HMCN1: variants seen among roughly 807,000 people sequenced by gnomAD.
The protein encoded by HMCN1 is hemicentin 1.
Under a neutral mutation model 625.9 loss-of-function variants are expected in HMCN1, and 321 were observed. The observed-to-expected ratio is 0.51, with a 90% CI of 0.47 to 0.56. The LOEUF is 0.56. HMCN1 is among the 20% of genes least tolerant of loss of function. The pLI is 0.00. For missense variants in HMCN1, 6,588 were observed against 6,887.3 expected (o/e 0.96, Z 1.54); for synonymous variants, 2,425 against 2,417.6 (o/e 1.00, Z -0.09).
At chr1:186,101,148 C>T (rs1660366399) in intron 68 of HMCN1, among the ~76,000 whole-genome samples, 1 of 151,574 alleles carries the variant, frequency 6.6e-6, no homozygotes, top group African/African-American at 2.4e-5. Flanking sequence ...TTTGGGTAGG[C>T]ACCTACAACT....
chr1:186,125,734 T>TAAC lies in HMCN1; in HGVS notation c.12631_12633dup (p.Asn4211dup). ...GGAAAAAAGACAATGTTCTTTTAGC[T>TAAC]AACTTGTTAGGAAAATACACTGCTG... On this transcript the variant is annotated inframe_insertion, in exon 82 of 107. Transcript: ENST00000271588. 6.2e-7 allele frequency: 1 copy of TAAC among 1,613,448 alleles called. No individual in the cohort carries two copies. The highest frequency in any genetic ancestry group is 1.1e-5 in the South Asian group (1 of 91,070).
Position 186,007,247 on chromosome 1 carries a change from G to A in HMCN1, c.4595G>A (p.Gly1532Asp). The A allele has an allele frequency of 1.2e-6, 2 of 1,613,640 alleles. No homozygotes were observed. Among genetic ancestry groups the A allele is most frequent in the Non-Finnish European group, 1.7e-6 (2 of 1,179,712 alleles). ...CAATGTACTGTGTCTAATGCAGCTG[G>A]CAAACAAGCCAAGGATATAAAACTG... Reference protein sequence around the residue: ...RYQCTVSNAAGKQAKDIKLTI... With the variant: ...RYQCTVSNAADKQAKDIKLTI... Residue 1532 changes from glycine to aspartate, a missense_variant, in exon 30 of 107, where the codon GGC becomes GAC. By Grantham distance (94) the Gly-to-Asp change is moderately conservative (BLOSUM62 -1). This residue lies in a region of HMCN1 where 4,628 missense variants were observed against 4,853.1 expected (regional missense o/e 0.95). Transcript: ENST00000271588.
chr1:186,086,333 T>C lies in HMCN1; in HGVS notation c.8972T>C (p.Phe2991Ser). 6.2e-7 allele frequency: 1 copy of C among 1,613,344 alleles called. No homozygotes were observed. The highest frequency in any genetic ancestry group is 8.5e-7 in the Non-Finnish European group (1 of 1,179,514). Residue 2991 changes from phenylalanine (F) to serine (S), a missense_variant, in exon 58 of 107, where the codon TTT (phenylalanine) becomes TCT (serine). Phe to Ser is a radical substitution (Grantham distance 155). This residue lies in a region of HMCN1 where 4,628 missense variants were observed against 4,853.1 expected (regional missense o/e 0.95). Coordinates refer to ENST00000271588, the MANE Select transcript of HMCN1 (RefSeq NM_031935.3). ...FISLTCEVSG[F>S]PPPDLSWLKN... Reference sequence around the variant, plus strand: ...TCTTTGACCTGTGAGGTCTCTGGTTTTCCACCTCCTGACCTCAGCTGGCTC... The same window carrying C: ...TCTTTGACCTGTGAGGTCTCTGGTTCTCCACCTCCTGACCTCAGCTGGCTC...
intron 102 of HMCN1, among the ~76,000 whole-genome samples, chr1:186,173,240 T>C (rs1652343757): frequency 6.6e-6 from 1 of 152,080 alleles, no homozygotes; most frequent in African/African-American, 2.4e-5. Flanking sequence ...GAGTGGGAGA[T>C]AGATATAGAT....
intron 1 of HMCN1, among the ~76,000 whole-genome samples, chr1:185,768,616 G>A (rs1158008449): frequency 3.9e-5 from 6 of 152,176 alleles, no homozygotes; most frequent in Admixed American, 2.6e-4. Context: ...AAGGAATTTA[G>A]GGCAAGTTAA....
intron 1 of HMCN1, among the ~76,000 whole-genome samples, chr1:185,840,262 C>T (rs1448464572): frequency 1.3e-5 from 2 of 152,122 alleles, no homozygotes; most frequent in Non-Finnish European, 2.9e-5. Context: ...TATCCTAAAG[C>T]AGAAAACATA....
intron 52 of HMCN1, among the ~76,000 whole-genome samples, chr1:186,071,363 T>TA (rs1409217095): frequency 6.6e-6 from 1 of 152,180 alleles, no homozygotes; most frequent in Non-Finnish European, 1.5e-5. Context: ...AAACTTTAAA[T>TA]AAAAGACAGA....
Position 185,761,607 on chromosome 1 carries a change from C to T in HMCN1, c.268+26560C>T, listed in dbSNP as rs116802964. ...GACAAGTAAAGTAAATGAAACATTG[C>T]TAAAATGACAACTGTATTTTATCTA... is the stretch of plus-strand genomic sequence containing the variant. On this transcript the variant is annotated intron_variant, in intron 1 of 106. Transcript: ENST00000271588. Among the ~76,000 whole-genome samples, 480 of 152,184 alleles carry T rather than the reference C, an allele frequency of 3.2e-3. 1 individual carries two copies. The highest frequency in any genetic ancestry group is 0.011 in the African/African-American group (463 of 41,538).
At chr1:186,140,047 T>A (rs1419048698) in intron 89 of HMCN1, among the ~76,000 whole-genome samples, 1 of 152,200 alleles carries the variant, frequency 6.6e-6, no homozygotes, top group Non-Finnish European at 1.5e-5. Flanking sequence ...ACTATCTAGG[T>A]GAAATTTTGT....
At chr1:185,971,072 G>A (rs554857850) in intron 15 of HMCN1, among the ~76,000 whole-genome samples, 33 of 152,316 alleles carry the variant, frequency 2.2e-4, no homozygotes, top group Admixed American at 5.2e-4. Flanking sequence ...AACTTGATCA[G>A]AGTTACAGAG....
intron 69 of HMCN1, among the ~76,000 whole-genome samples, chr1:186,105,718 G>A (rs1660578228): frequency 6.6e-6 from 1 of 152,182 alleles, no homozygotes; most frequent in Non-Finnish European, 1.5e-5. Flanking sequence ...TACAGGTGAT[G>A]TCTGTGGGTA....
chr1:185,999,599 C>T (rs771981695), intron 25 of HMCN1, among the ~76,000 whole-genome samples: 2 of 152,068 alleles, frequency 1.3e-5, no homozygotes, highest in African/African-American at 2.4e-5. Context: ...TATAAAACAT[C>T]GTGTCTCCAT....
chr1:185,847,025 C>G (rs1397947988), intron 2 of HMCN1, among the ~76,000 whole-genome samples: 2 of 152,166 alleles, frequency 1.3e-5, no homozygotes, highest in Non-Finnish European at 2.9e-5. Flanking sequence ...ACTTTTTACA[C>G]TACAACCACT....
chr1:186,173,948 AAT>A (rs1386892980), intron 102 of HMCN1, among the ~76,000 whole-genome samples: 1 of 152,220 alleles, frequency 6.6e-6, no homozygotes, highest in African/African-American at 2.4e-5. Flanking sequence ...TGTTCAAACT[AAT>A]ACTATTACTA....
chr1:185,919,798 T>C (rs926249356), intron 6 of HMCN1, among the ~76,000 whole-genome samples: 2 of 152,218 alleles, frequency 1.3e-5, no homozygotes, highest in Non-Finnish European at 2.9e-5. Flanking sequence ...ACCTCTCTTA[T>C]TCATGAAGTG....
intron 6 of HMCN1, among the ~76,000 whole-genome samples, chr1:185,917,511 A>G (rs1666776900): frequency 6.6e-6 from 1 of 152,228 alleles, no homozygotes; most frequent in Non-Finnish European, 1.5e-5. Flanking sequence ...ACGTGTGAAC[A>G]TACTTAGCAT....
intron 1 of HMCN1, among the ~76,000 whole-genome samples, chr1:185,758,140 C>A (rs1397923815): frequency 6.6e-6 from 1 of 152,192 alleles, no homozygotes; most frequent in Non-Finnish European, 1.5e-5. Context: ...CGGATATATA[C>A]ATTTTTCAGG....
intron 68 of HMCN1, among the ~76,000 whole-genome samples, chr1:186,096,005 G>C (rs575687607): frequency 6.6e-6 from 1 of 152,190 alleles, no homozygotes; most frequent in African/African-American, 2.4e-5. Context: ...TGTTCTAAAT[G>C]CAACAGTTTA....
At chr1:186,093,093 T>A in intron 64 of HMCN1, 41 bp from the exon 65 acceptor site, 2 of 1,612,408 alleles carry the variant, frequency 1.2e-6, no homozygotes, top group South Asian at 2.2e-5. Flanking sequence ...TGAAATAGAT[T>A]CAATCTCATC....
Sources: gnomAD v4.1 joint callset for allele counts (sites outside exome capture counted in the v4.1 genomes callset) on GRCh38, gnomAD v4.1.1 for gene constraint, gnomAD v4.1.1 regional missense constraint, MANE v1.5 for transcripts, NCBI Gene and HGNC (gene_info 2026-07-23, HGNC 2026-07-21) for gene names.